F13A1: variants seen among roughly 807,000 people sequenced by gnomAD.
The protein encoded by F13A1 is FSF, A subunit.
Under a neutral mutation model 80.1 loss-of-function variants are expected in F13A1, and 47 were observed. The observed-to-expected ratio is 0.59, with a 90% CI of 0.46 to 0.75. The LOEUF (loss-of-function observed/expected upper bound fraction) is 0.75. Among genes scored for constraint, F13A1 ranks in the 30% least tolerant of loss-of-function variants. The pLI is 0.00. For synonymous variants in F13A1, 349 were observed against 344.9 expected (o/e 1.01, Z -0.13); for missense variants, 817 against 930.4 (o/e 0.88, Z 1.59).
chr6:6,219,376 C>G (rs144193088), intron 8 of F13A1, among the ~76,000 whole-genome samples: 1 of 152,066 alleles, frequency 6.6e-6, no homozygotes, highest in Admixed American at 6.5e-5. Flanking sequence ...GCAGCCCCTG[C>G]TTCTTACCAG....
intron 10 of F13A1, among the ~76,000 whole-genome samples, chr6:6,190,025 A>C (rs540309412): frequency 6.6e-6 from 1 of 152,196 alleles, no homozygotes; most frequent in Non-Finnish European, 1.5e-5. Flanking sequence ...TCGGCTCCTG[A>C]GGCTTCTGCA....
At chr6:6,291,257 C>A (rs1758221208) in intron 3 of F13A1, among the ~76,000 whole-genome samples, 1 of 152,076 alleles carries the variant, frequency 6.6e-6, no homozygotes, top group Admixed American at 6.6e-5. Context: ...ACCCGTGCCC[C>A]TGTCCTCTAT....
At chr6:6,236,239 G>A (rs952387187) in intron 6 of F13A1, among the ~76,000 whole-genome samples, 1 of 151,986 alleles carries the variant, frequency 6.6e-6, no homozygotes, top group African/African-American at 2.4e-5. Context: ...TTCGTTTCAT[G>A]GGTACATATA....
chr6:6,251,477 G>T (rs1338126054), intron 4 of F13A1, among the ~76,000 whole-genome samples: 1 of 152,170 alleles, frequency 6.6e-6, no homozygotes, highest in Non-Finnish European at 1.5e-5. Flanking sequence ...GTATGTGTGT[G>T]TGTCCAACCA....
At chr6:6,210,693 C>A (rs183327167) in intron 8 of F13A1, among the ~76,000 whole-genome samples, 72 of 151,494 alleles carry the variant, frequency 4.8e-4, no homozygotes, top group African/African-American at 1.4e-3. Flanking sequence ...CTCACCAGGC[C>A]GTGAAGCATA....
At chr6:6,296,105 A>G (rs1467275240) in intron 3 of F13A1, among the ~76,000 whole-genome samples, 1 of 149,910 alleles carries the variant, frequency 6.7e-6, no homozygotes, top group Non-Finnish European at 1.5e-5. Flanking sequence ...ATTGATCTAT[A>G]TCTCTGTTTT....
rs112522281 is a variant in F13A1, at chr6:6,292,020, G to C, written c.319+13331C>G. On this transcript the variant is annotated intron_variant, in intron 3 of 14. Transcript: ENST00000264870. ...TTGGTGGAGGTAGTAAGCATTGTAA[G>C]TAGAAGAGGCTGCTTGGGTCCAAAT... 2.8e-3 allele frequency among the ~76,000 whole-genome samples: 430 copies of C among 152,306 alleles called. 1 individual carries two copies. Among genetic ancestry groups the C allele is most frequent in the African/African-American group, 0.01 (419 of 41,556 alleles).
intron 3 of F13A1, among the ~76,000 whole-genome samples, chr6:6,300,629 T>G (rs1288261865): frequency 6.6e-6 from 1 of 152,138 alleles, no homozygotes; most frequent in East Asian, 1.9e-4. Flanking sequence ...CCCACTGACT[T>G]GTGCCCACTG....
chr6:6,313,104 A>C (rs1422130495), intron 2 of F13A1, among the ~76,000 whole-genome samples: 1 of 152,150 alleles, frequency 6.6e-6, no homozygotes, highest in Admixed American at 6.5e-5. Context: ...TGTTCCAGCA[A>C]GCATTGATGA....
chr6:6,155,874 C>T (rs1214355102), intron 13 of F13A1, among the ~76,000 whole-genome samples: 1 of 152,188 alleles, frequency 6.6e-6, no homozygotes, highest in East Asian at 1.9e-4. Flanking sequence ...TTCCTTATTG[C>T]TGAAAGCATA....
chr6:6,269,585 A>G (rs1259545178), intron 3 of F13A1, among the ~76,000 whole-genome samples: 1 of 152,210 alleles, frequency 6.6e-6, no homozygotes, highest in Non-Finnish European at 1.5e-5. Flanking sequence ...CCTCCCATTC[A>G]ATCATAATTT....
At chr6:6,235,905 A>G (rs1757407147) in intron 6 of F13A1, among the ~76,000 whole-genome samples, 1 of 152,116 alleles carries the variant, frequency 6.6e-6, no homozygotes, top group Non-Finnish European at 1.5e-5. Flanking sequence ...ATGTCCATCC[A>G]CAAGTAAATA....
intron 10 of F13A1, among the ~76,000 whole-genome samples, chr6:6,193,930 C>T (rs1038968728): frequency 6.6e-6 from 1 of 152,194 alleles, no homozygotes; most frequent in African/African-American, 2.4e-5. Flanking sequence ...TCTCCAAAGG[C>T]TTCTGTAAAC....
chr6:6,291,191 A>C (rs1388443828), intron 3 of F13A1, among the ~76,000 whole-genome samples: 1 of 151,424 alleles, frequency 6.6e-6, no homozygotes, highest in Non-Finnish European at 1.5e-5. Flanking sequence ...ACCCTCCTTC[A>C]CCTCTTTCTC....
chr6:6,173,759 A>G (rs912799195), intron 12 of F13A1, among the ~76,000 whole-genome samples: 1 of 152,130 alleles, frequency 6.6e-6, no homozygotes, highest in Non-Finnish European at 1.5e-5. Context: ...CACACTATTC[A>G]TTCTGGACAG....
chr6:6,210,324 G>GATATATATATATATAATATAT (rs1761581081), intron 8 of F13A1, among the ~76,000 whole-genome samples: 1 of 82,906 alleles, frequency 1.2e-5, no homozygotes, highest in Non-Finnish European at 2.3e-5. Flanking sequence ...TGTAGCATGT[G>GATATATATATATATAATATAT]ATATATATAT....
intron 3 of F13A1, among the ~76,000 whole-genome samples, chr6:6,300,615 C>T (rs201617243): frequency 9.9e-5 from 15 of 152,088 alleles, no homozygotes; most frequent in African/African-American, 3.4e-4. Flanking sequence ...GCACAGTGCA[C>T]GCACCCACTG....
rs756049400 is a variant in F13A1 at position 6,243,948 on chromosome 6, T to A, written c.798+4364A>T. Among the ~76,000 whole-genome samples the A allele has an allele frequency of 1.8e-4, 27 of 152,234 alleles. 1 individual carries two copies. The highest frequency in any genetic ancestry group is 9.8e-4 in the Admixed American group (15 of 15,286). On this transcript the variant is annotated intron_variant, in intron 6 of 14. Transcript: ENST00000264870. This position sits in a 1 kb window ranked among gnomAD's most constrained non-coding sequence, Gnocchi z 4.2. ...TTGGGGGAAATTCTCTGCCCATAGTTGCTGCCAGATCCTATCAGTCGGGAG... is the reference window on the plus strand; with the variant it reads ...TTGGGGGAAATTCTCTGCCCATAGTAGCTGCCAGATCCTATCAGTCGGGAG...
intron 2 of F13A1, among the ~76,000 whole-genome samples, chr6:6,310,955 A>G (rs1674045): frequency 0.77 from 117,736 of 152,030 alleles, 46,191 homozygotes; most frequent in African/African-American, 0.91. Context: ...TATACTCCTT[A>G]TCTTCTGAGC....
Sources: gnomAD v4.1 joint callset for allele counts (sites outside exome capture counted in the v4.1 genomes callset) on GRCh38, gnomAD v4.1.1 for gene constraint, Gnocchi (gnomAD v3.1) non-coding constraint, MANE v1.5 for transcripts, NCBI Gene and HGNC (gene_info 2026-07-23, HGNC 2026-07-21) for gene names.